The following CASK variants were observed in gnomAD, a reference collection of about 807,000 sequenced individuals.
CASK encodes peripheral plasma membrane protein CASK.
Under a neutral mutation model 82.9 loss-of-function variants are expected in CASK, and 4 were observed. That is an observed-to-expected ratio of 0.05 (90% confidence interval 0.02 to 0.11). CASK has a LOEUF of 0.11. Among genes scored for constraint, CASK ranks in the 10% least tolerant of loss-of-function variants. CASK has a pLI of 1.00. For missense variants in CASK, 358 were observed against 720.9 expected (o/e 0.50, Z 5.76); for synonymous variants, 259 against 253.5 (o/e 1.02, Z -0.20).
chrX:41,782,188 A>G (rs1346507541), intron 3 of CASK, among the ~76,000 whole-genome samples: 2 of 112,381 alleles, frequency 1.8e-5, no homozygotes, highest in Non-Finnish European at 3.8e-5. Flanking sequence ...CATCAGGAGG[A>G]ACAGAATAGG....
chrX:41,567,033 A>G (rs1280508603), intron 16 of CASK, among the ~76,000 whole-genome samples: 1 of 112,348 alleles, frequency 8.9e-6, no homozygotes, highest in African/African-American at 3.2e-5. Flanking sequence ...CTGGGTAGCC[A>G]TATGTAGAAA....
Position 41,517,345 on chromosome X carries a change from CAA to C in CASK, c.*3073_*3074del. The C allele has an allele frequency of 8.0e-6, 1 of 124,848 alleles. No individual in the cohort carries two copies. Among genetic ancestry groups the C allele is most frequent in the East Asian group, 2.4e-4 (1 of 4,161 alleles). The allele number at this position is 124,848 out of a possible 1,213,427, so 10.3% of individuals were successfully genotyped here. On this transcript the variant is annotated 3_prime_UTR_variant, in exon 27 of 27. Transcript: ENST00000378163. ...AAAGATTTTAAATCATCTCACCTGA[CAA>C]GAGATACATTTAATTGCATTTAAAA... is the stretch of plus-strand genomic sequence containing the variant.
chrX:41,766,164 A>T (rs2069111657), intron 3 of CASK, among the ~76,000 whole-genome samples: 1 of 112,351 alleles, frequency 8.9e-6, no homozygotes. Flanking sequence ...CACAATGAGA[A>T]GAGTTATTTA....
At chrX:41,893,772 T>C (rs2072219668) in intron 1 of CASK, among the ~76,000 whole-genome samples, 1 of 111,923 alleles carries the variant, frequency 8.9e-6, no homozygotes, top group Admixed American at 9.4e-5. Context: ...GGCTTAAAAA[T>C]AAAAACAAGA....
intron 5 of CASK, among the ~76,000 whole-genome samples, chrX:41,721,869 C>A (rs2068175026): frequency 8.9e-6 from 1 of 111,906 alleles, no homozygotes; most frequent in South Asian, 3.7e-4. Flanking sequence ...CCTTTCAGAA[C>A]CACTTTGAGT....
intron 7 of CASK, among the ~76,000 whole-genome samples, chrX:41,662,359 G>A (rs758855650): frequency 2.7e-5 from 3 of 111,139 alleles, no homozygotes; most frequent in Non-Finnish European, 5.7e-5. Context: ...TTCTAATGTG[G>A]TCTCACATTT....
chrX:41,681,296 T>C (rs1420124169), intron 5 of CASK, among the ~76,000 whole-genome samples: 3 of 112,127 alleles, frequency 2.7e-5, no homozygotes, highest in African/African-American at 9.7e-5. Flanking sequence ...TTATAAAGAG[T>C]TAAAATTTAT....
intron 3 of CASK, among the ~76,000 whole-genome samples, chrX:41,752,142 C>T (rs1050897767): frequency 9.1e-6 from 1 of 110,032 alleles, no homozygotes; most frequent in Non-Finnish European, 1.9e-5. Flanking sequence ...CTGCAAGAAA[C>T]GAGTACTCAG....
intron 5 of CASK, chrX:41,727,665 C>G: frequency 8.3e-7 from 1 of 1,206,782 alleles, no homozygotes. Flanking sequence ...TTGGATTTTC[C>G]TTTTTAGTAG....
At chrX:41,731,436 A>G (rs1248670782) in intron 5 of CASK, among the ~76,000 whole-genome samples, 1 of 112,059 alleles carries the variant, frequency 8.9e-6, no homozygotes, top group African/African-American at 3.2e-5. Context: ...AAAAACAAAA[A>G]ACCCAAAAAA....
At chrX:41,887,338 ACACAGT>A (rs2072067976) in intron 1 of CASK, among the ~76,000 whole-genome samples, 1 of 107,855 alleles carries the variant, frequency 9.3e-6, no homozygotes, top group South Asian at 4.1e-4. Context: ...ACACACACAC[ACACAGT>A]GTCAAATTCC....
intron 1 of CASK, among the ~76,000 whole-genome samples, chrX:41,865,471 T>G (rs1055854273): frequency 1.8e-5 from 2 of 111,906 alleles, no homozygotes; most frequent in African/African-American, 6.5e-5. Flanking sequence ...AATTTGCAAC[T>G]GACTGTTGGA....
chrX:41,523,103 T>C (rs1216897108), intron 26 of CASK: 1 of 112,354 alleles, frequency 8.9e-6, no homozygotes, highest in Admixed American at 9.4e-5. Flanking sequence ...GAAAAATACA[T>C]GGCAACTGAA....
chrX:41,737,937 G>A (rs1046046337), intron 5 of CASK, among the ~76,000 whole-genome samples: 9 of 112,569 alleles, frequency 8.0e-5, no homozygotes, highest in Non-Finnish European at 1.5e-4. Context: ...ACAATTTCCC[G>A]CCTTTTACCT....
intron 5 of CASK, among the ~76,000 whole-genome samples, chrX:41,687,110 G>C (rs1472940723): frequency 2.7e-5 from 3 of 112,244 alleles, no homozygotes; most frequent in Non-Finnish European, 5.6e-5. Flanking sequence ...TTAGTGTTTT[G>C]AAAAGGGTTG....
chrX:41,901,636 A>C (rs539631463), intron 1 of CASK, among the ~76,000 whole-genome samples: 2 of 111,662 alleles, frequency 1.8e-5, no homozygotes, highest in South Asian at 3.8e-4. Flanking sequence ...CAGGTGGGCT[A>C]TCCTGAAACT....
chrX:41,659,304 T>C (rs767217356), intron 8 of CASK, among the ~76,000 whole-genome samples: 8 of 109,776 alleles, frequency 7.3e-5, no homozygotes, highest in African/African-American at 2.3e-4. Context: ...CTTGGCTCAC[T>C]GCAACCTCTG....
intron 12 of CASK, among the ~76,000 whole-genome samples, chrX:41,603,529 T>C (rs1234336805): frequency 1.8e-5 from 2 of 112,427 alleles, no homozygotes; most frequent in Non-Finnish European, 3.8e-5. Context: ...TAATTGCTAA[T>C]GCAATATTTA....
intron 21 of CASK, among the ~76,000 whole-genome samples, chrX:41,545,048 C>G (rs766424536): frequency 9.2e-6 from 1 of 108,787 alleles, no homozygotes; most frequent in South Asian, 3.9e-4. Flanking sequence ...GTTTTTGAGA[C>G]AGATTCTCCT....
Sources: gnomAD v4.1 joint callset for allele counts (sites outside exome capture counted in the v4.1 genomes callset) on GRCh38, gnomAD v4.1.1 for gene constraint, MANE v1.5 for transcripts, NCBI Gene and HGNC (gene_info 2026-07-23, HGNC 2026-07-21) for gene names.